The following TAFA2 variants were observed in gnomAD, a reference collection of about 807,000 sequenced individuals.
TAFA2 encodes the protein chemokine-like protein TAFA-2.
Under a neutral mutation model 18.8 loss-of-function variants are expected in TAFA2, and 7 were observed. That is an observed-to-expected ratio of 0.37 (90% CI 0.21 to 0.70). The LOEUF is 0.70. TAFA2 is among the 30% of genes least tolerant of loss of function. TAFA2 has a pLI of 0.53. For synonymous variants in TAFA2, 60 were observed against 54.2 expected (o/e 1.11, Z -0.47); for missense variants, 122 against 158.1 (o/e 0.77, Z 1.23).
intron 1 of TAFA2, among the ~76,000 whole-genome samples, chr12:62,240,016 A>C (rs188443923): frequency 1.3e-5 from 2 of 152,078 alleles, no homozygotes; most frequent in Admixed American, 1.3e-4. Context: ...AAAGAGTATA[A>C]AAAATGTTTC....
intron 1 of TAFA2, among the ~76,000 whole-genome samples, chr12:62,121,958 A>G (rs1332688288): frequency 3.3e-5 from 5 of 152,214 alleles, no homozygotes; most frequent in Admixed American, 2.0e-4. Flanking sequence ...AGCTTAGCAA[A>G]TTAACACAGG....
chr12:62,207,747 AC>A (rs1363201444), intron 1 of TAFA2, among the ~76,000 whole-genome samples: 5 of 152,074 alleles, frequency 3.3e-5, no homozygotes, highest in Non-Finnish European at 5.9e-5. Flanking sequence ...TAAGCCCTAG[AC>A]TCCAGAAGTC....
intron 1 of TAFA2, among the ~76,000 whole-genome samples, chr12:62,198,056 C>A (rs1356095459): frequency 6.6e-6 from 1 of 152,046 alleles, no homozygotes; most frequent in Non-Finnish European, 1.5e-5. Context: ...TTTTGTATTC[C>A]CATCTGCTGT....
chr12:62,202,848 T>A (rs1288643904), intron 1 of TAFA2, among the ~76,000 whole-genome samples: 6 of 142,228 alleles, frequency 4.2e-5, no homozygotes, highest in Non-Finnish European at 6.0e-5. Context: ...TTTTTTTTTT[T>A]AGACAGTCTT....
At chr12:62,093,044 C>A (rs1868788748) in intron 1 of TAFA2, among the ~76,000 whole-genome samples, 1 of 151,960 alleles carries the variant, frequency 6.6e-6, no homozygotes. Context: ...TCTTTATAAT[C>A]AATACATCAG....
chr12:61,853,889 T>C (rs969427558), intron 2 of TAFA2, among the ~76,000 whole-genome samples: 1 of 152,116 alleles, frequency 6.6e-6, no homozygotes, highest in Admixed American at 6.6e-5. Context: ...TGTAACACAC[T>C]CCCACCCTAA....
chr12:61,918,009 A>ATT (rs1387491668), intron 1 of TAFA2, among the ~76,000 whole-genome samples: 4 of 151,676 alleles, frequency 2.6e-5, no homozygotes, highest in African/African-American at 9.7e-5. Context: ...AACCATGCTT[A>ATT]TTTATTTTTT....
chr12:62,111,468 T>C (rs967353103), intron 1 of TAFA2, among the ~76,000 whole-genome samples: 1 of 152,228 alleles, frequency 6.6e-6, no homozygotes, highest in South Asian at 2.1e-4. Flanking sequence ...TTTCTGTTGA[T>C]TTGCGGTGGA....
At chr12:61,907,760 T>C (rs1406449964) in intron 1 of TAFA2, among the ~76,000 whole-genome samples, 1 of 152,002 alleles carries the variant, frequency 6.6e-6, no homozygotes. Flanking sequence ...GCGGGGGATG[T>C]ACCCTGCAAA....
chr12:62,103,480 C>T (rs147154929), intron 1 of TAFA2, among the ~76,000 whole-genome samples: 1 of 152,120 alleles, frequency 6.6e-6, no homozygotes, highest in Non-Finnish European at 1.5e-5. Flanking sequence ...GTGGCTCACA[C>T]CTGTAATCCC....
At chr12:61,922,350 G>A (rs1363296821) in intron 1 of TAFA2, among the ~76,000 whole-genome samples, 1 of 150,806 alleles carries the variant, frequency 6.6e-6, no homozygotes, top group African/African-American at 2.4e-5. Flanking sequence ...GCAGCTCCCA[G>A]CGAGACCAAC....
At chr12:62,123,772 C>CCACACACACACACA (rs369871302) in intron 1 of TAFA2, among the ~76,000 whole-genome samples, 15 of 69,012 alleles carry the variant, frequency 2.2e-4, no homozygotes, top group African/African-American at 4.9e-4. Flanking sequence ...ATCTCCCCCA[C>CCACACACACACACA]CACACACATA....
At chr12:61,916,052 T>G (rs1298036890) in intron 1 of TAFA2, among the ~76,000 whole-genome samples, 9 of 152,234 alleles carry the variant, frequency 5.9e-5, no homozygotes, top group Non-Finnish European at 8.8e-5. Context: ...TTGTCCCTGA[T>G]TGATCTAAGC....
At chr12:62,027,540 T>A (rs1235196792) in intron 1 of TAFA2, among the ~76,000 whole-genome samples, 1 of 152,034 alleles carries the variant, frequency 6.6e-6, no homozygotes, top group African/African-American at 2.4e-5. Flanking sequence ...GTGTAGCACC[T>A]TTCACATTGG....
intron 1 of TAFA2, among the ~76,000 whole-genome samples, chr12:62,078,573 A>C (rs1868273419): frequency 6.6e-6 from 1 of 152,210 alleles, no homozygotes; most frequent in South Asian, 2.1e-4. Flanking sequence ...GACATATGAC[A>C]CATAAAGAAG....
At chr12:62,202,504 A>AT (rs1199477318) in intron 1 of TAFA2, among the ~76,000 whole-genome samples, 39 of 151,816 alleles carry the variant, frequency 2.6e-4, no homozygotes, top group Non-Finnish European at 7.4e-5. Context: ...TGCCCAGCTA[A>AT]TTTTTGTATT....
chr12:61,710,686 C>A lies in TAFA2; in HGVS notation c.385-269G>T, dbSNP rs549436698. Among the ~76,000 whole-genome samples, 23 of 152,166 alleles carry A rather than the reference C, an allele frequency of 1.5e-4. No individual in the cohort carries two copies. In the East Asian group the frequency reaches 4.1e-3, roughly 27 times the overall value. ...TGACTAGAATTATCCCAACTGGTGA[C>A]AACAATATCCCTCTCACACCCAGAG... On this transcript the variant is annotated intron_variant, in intron 4 of 4. Coordinates refer to ENST00000416284, the MANE Select transcript of TAFA2 (RefSeq NM_178539.5).
chr12:61,925,155 C>T (rs1010970397), intron 1 of TAFA2, among the ~76,000 whole-genome samples: 2 of 152,184 alleles, frequency 1.3e-5, no homozygotes, highest in Non-Finnish European at 2.9e-5. Flanking sequence ...TAACACCCCA[C>T]TGTCAATATT....
At chr12:61,745,206 A>G (rs1356062073) in intron 4 of TAFA2, among the ~76,000 whole-genome samples, 1 of 152,134 alleles carries the variant, frequency 6.6e-6, no homozygotes, top group African/African-American at 2.4e-5. Flanking sequence ...TTATTAATGT[A>G]AAACATAAAA....
Sources: allele counts gnomAD v4.1 joint callset (sites outside exome capture counted in the v4.1 genomes callset), GRCh38; gene constraint gnomAD v4.1.1; transcripts MANE v1.5; gene names NCBI Gene and HGNC (gene_info 2026-07-23, HGNC 2026-07-21).